Variants in SMPD3 observed in about 807,000 individuals in gnomAD.
SMPD3 encodes nSMase-2.
A neutral mutation model predicts 55.7 loss-of-function variants in SMPD3; 21 were observed. That is an observed-to-expected ratio of 0.38 (90% CI 0.27 to 0.54). The LOEUF (loss-of-function observed/expected upper bound fraction) is 0.54. Ranked by LOEUF, SMPD3 falls within the 20% of genes least tolerant of loss-of-function variation. SMPD3 has a pLI of 0.80. For missense variants in SMPD3, 842 were observed against 899.6 expected (o/e 0.94, Z 0.82); for synonymous variants, 457 against 404.3 (o/e 1.13, Z -1.56).
intron 1 of SMPD3, among the ~76,000 whole-genome samples, chr16:68,411,705 C>T (rs777329239): frequency 1.4e-4 from 21 of 152,176 alleles, no homozygotes; most frequent in Non-Finnish European, 4.4e-5. Context: ...TCAAGCAAGC[C>T]CCATGCATTA....
At chr16:68,410,343 C>T (rs1317634611) in intron 1 of SMPD3, among the ~76,000 whole-genome samples, 2 of 151,920 alleles carry the variant, frequency 1.3e-5, no homozygotes, top group Non-Finnish European at 2.9e-5. Flanking sequence ...GGGGTGGCCC[C>T]ACCAACATGA....
At chr16:68,392,465 C>T (rs1398219577) in intron 1 of SMPD3, among the ~76,000 whole-genome samples, 1 of 152,072 alleles carries the variant, frequency 6.6e-6, no homozygotes, top group African/African-American at 2.4e-5. Flanking sequence ...ATAGAATGGG[C>T]ATATAGGGAT....
At chr16:68,432,053 G>A (rs886640276) in intron 1 of SMPD3, among the ~76,000 whole-genome samples, 1 of 152,122 alleles carries the variant, frequency 6.6e-6, no homozygotes, top group African/African-American at 2.4e-5. Context: ...AGGCAGAGGT[G>A]CACTGAGCTG....
In SMPD3 at chr16:68,361,327, G is replaced by T; in HGVS notation, c.1867-20C>A. 6.3e-7 allele frequency: 1 copy of T among 1,598,602 alleles called. No homozygotes were observed. Among genetic ancestry groups the T allele is most frequent in the Non-Finnish European group, 8.5e-7 (1 of 1,171,330 alleles). ...CACCTCCTGGGGTGAGTGGGAGAGG[G>T]GAGAAACAGCCTGGTCAGATTCCAA... On this transcript the variant is annotated intron_variant, in intron 8 of 8. Coordinates refer to ENST00000219334, the MANE Select transcript of SMPD3 (RefSeq NM_018667.4).
At position 68,363,544 on chromosome 16, in the gene SMPD3, G is replaced by C; in HGVS notation, c.1661C>G (p.Thr554Arg). Reference protein sequence around the residue: ...KPWAIGTLLDTNGLYDEDVCT... With the variant: ...KPWAIGTLLDRNGLYDEDVCT... ...CACATCCTCATCGTACAGGCCGTTC[G>C]TGTCCAGCAGAGTACCTGGGGGGGA... The change falls in exon 7 of 9, where the codon ACG becomes AGG. Residue 554 changes from threonine to arginine, a missense_variant. Physicochemically the swap from Thr to Arg is moderately conservative, Grantham distance 71. This residue lies in a region of SMPD3 where 649 missense variants were observed against 643.6 expected (regional missense o/e 1.01). Coordinates refer to ENST00000219334, the MANE Select transcript of SMPD3 (RefSeq NM_018667.4). 1.2e-6 allele frequency: 2 copies of C among 1,613,828 alleles called. No homozygotes were observed. The highest frequency in any genetic ancestry group is 1.7e-6 in the Non-Finnish European group (2 of 1,179,940).
chr16:68,434,630 C>T (rs2090507168), intron 1 of SMPD3, among the ~76,000 whole-genome samples: 1 of 152,164 alleles, frequency 6.6e-6, no homozygotes, highest in South Asian at 2.1e-4. Flanking sequence ...AGGTGGCCCC[C>T]TGTCATCTTG....
At position 68,417,495 on chromosome 16, in the gene SMPD3, C is replaced by T. The variant is rs371161742; in HGVS notation, c.-268-30836G>A. ...TACTCTTTTATTGCATTCAAGCCTCCCTAAGGAGCCACTTGAGAGACATTT... is the reference window on the plus strand; with the variant it reads ...TACTCTTTTATTGCATTCAAGCCTCTCTAAGGAGCCACTTGAGAGACATTT... On this transcript the variant is annotated intron_variant, in intron 1 of 8. Coordinates refer to ENST00000219334, the MANE Select transcript of SMPD3 (RefSeq NM_018667.4). Among the ~76,000 whole-genome samples, 43 of 152,320 alleles carry T rather than the reference C, an allele frequency of 2.8e-4. No homozygotes were observed. In the Middle Eastern group the frequency reaches 0.024, roughly 85 times the overall value.
intron 1 of SMPD3, among the ~76,000 whole-genome samples, chr16:68,408,810 T>G (rs2090273181): frequency 6.6e-6 from 1 of 152,178 alleles, no homozygotes; most frequent in African/African-American, 2.4e-5. Flanking sequence ...GGTTTCTGCC[T>G]GGTACTGGCA....
intron 1 of SMPD3, among the ~76,000 whole-genome samples, chr16:68,414,876 C>T (rs2090327783): frequency 6.6e-6 from 1 of 152,200 alleles, no homozygotes; most frequent in Non-Finnish European, 1.5e-5. Flanking sequence ...GATGATGAAT[C>T]TGGAAGACTG....
Position 68,361,035 on chromosome 16 carries a change from G to A in SMPD3, c.*171C>T. The A allele has an allele frequency of 1.6e-6, 1 of 621,764 alleles. No homozygotes were observed. 38.5% of individuals were successfully genotyped at this position (621,764 alleles called of 1,614,324 possible). On this transcript the variant is annotated 3_prime_UTR_variant, in exon 9 of 9. Coordinates refer to ENST00000219334, the MANE Select transcript of SMPD3 (RefSeq NM_018667.4). ...CGGGCCTGACTCCTCTGTCCACAGT[G>A]AGGCCCAGAGGCGCAGAGCAGCGCA...
chr16:68,406,714 G>A (rs1016270074), intron 1 of SMPD3, among the ~76,000 whole-genome samples: 3 of 152,194 alleles, frequency 2.0e-5, no homozygotes, highest in African/African-American at 7.2e-5. Flanking sequence ...AGCTGGTTGG[G>A]GACGCTTATT....
At chr16:68,385,637 TAATTTGTC>T (rs796955758) in intron 2 of SMPD3, among the ~76,000 whole-genome samples, 8 of 152,300 alleles carry the variant, frequency 5.3e-5, no homozygotes, top group African/African-American at 1.9e-4. Context: ...TGACAACGCT[TAATTTGTC>T]AATATTTGAG....
rs763967686 is a variant in SMPD3 at position 68,373,181 on chromosome 16, C to T, written c.-206-794G>A. On this transcript the variant is annotated intron_variant, in intron 2 of 8. Coordinates refer to ENST00000219334, the MANE Select transcript of SMPD3 (RefSeq NM_018667.4). The stretch of plus-strand genomic sequence containing the variant: ...GTGTGGGTCTGGCCCAAGCTTTAAC[C>T]GCTGTCCCTCATGTACTCCAAGATG... Among the ~76,000 whole-genome samples, 8 of 152,190 alleles carry T rather than the reference C, an allele frequency of 5.3e-5. No homozygotes were observed. In the East Asian group the frequency reaches 5.8e-4, roughly 11 times the overall value.
intron 1 of SMPD3, among the ~76,000 whole-genome samples, chr16:68,445,001 C>T (rs2090599212): frequency 6.6e-6 from 1 of 152,214 alleles, no homozygotes; most frequent in African/African-American, 2.4e-5. Context: ...TTTGTGACTG[C>T]AAGAAATTCC....
rs1007006049 is a variant in SMPD3, at chr16:68,404,350, T to A, written c.-268-17691A>T. Among the ~76,000 whole-genome samples the A allele has an allele frequency of 6.6e-6, 1 of 152,122 alleles. No homozygotes were observed. Among genetic ancestry groups the A allele is most frequent in the African/African-American group, 2.4e-5 (1 of 41,436 alleles). On this transcript the variant is annotated intron_variant, in intron 1 of 8. Coordinates refer to ENST00000219334, the MANE Select transcript of SMPD3 (RefSeq NM_018667.4). This position sits in a 1 kb window ranked among gnomAD's most constrained non-coding sequence, Gnocchi z 4.0. ...CCCGACCTCAGGTGATCTGCCCGCC[T>A]CAGCCTCCCAAATTGCTGAGATTAC...
chr16:68,407,244 G>A (rs564372357), intron 1 of SMPD3, among the ~76,000 whole-genome samples: 16 of 152,274 alleles, frequency 1.1e-4, no homozygotes, highest in Middle Eastern at 3.4e-3. Flanking sequence ...AAACGTAGGC[G>A]AGGAGAACTG....
intron 1 of SMPD3, among the ~76,000 whole-genome samples, chr16:68,415,675 C>G (rs542126669): frequency 6.6e-6 from 1 of 152,086 alleles, no homozygotes; most frequent in Admixed American, 6.5e-5. Context: ...ATAGCGGATG[C>G]TTATTTTAAA....
At chr16:68,391,647 G>A (rs1331773674) in intron 1 of SMPD3, among the ~76,000 whole-genome samples, 2 of 152,170 alleles carry the variant, frequency 1.3e-5, no homozygotes, top group East Asian at 3.9e-4. Flanking sequence ...GAGACAAGCA[G>A]GAAGGCCAGT....
chr16:68,361,515 G>T, intron 8 of SMPD3, 88 bp downstream of exon 8: 5 of 1,548,752 alleles, frequency 3.2e-6, no homozygotes, highest in Non-Finnish European at 4.4e-6. Context: ...TGGGGCGTGG[G>T]GTTTCAGGGA....
Sources: gnomAD v4.1 joint callset for allele counts (sites outside exome capture counted in the v4.1 genomes callset) on GRCh38, gnomAD v4.1.1 for gene constraint, gnomAD v4.1.1 regional missense constraint, Gnocchi (gnomAD v3.1) non-coding constraint, MANE v1.5 for transcripts, NCBI Gene and HGNC (gene_info 2026-07-23, HGNC 2026-07-21) for gene names.